NKAIN2: variants seen among roughly 807,000 people sequenced by gnomAD.
NKAIN2 encodes sodium/potassium transporting ATPase interacting 2, also known as sodium/potassium-transporting ATPase subunit beta-1-interacting protein 2.
NKAIN2 carries 14 observed loss-of-function variants against 32.6 expected under a neutral mutation model. The ratio of observed to expected loss-of-function variants is 0.43; its 90% confidence interval spans 0.28 to 0.67. NKAIN2 has a LOEUF of 0.67. Ranked by LOEUF, NKAIN2 falls within the 30% of genes least tolerant of loss-of-function variation. The probability of loss-of-function intolerance (pLI) is 0.17; values close to 1 mark genes in which losing one functional copy is unlikely to be tolerated. For synonymous variants in NKAIN2, 80 were observed against 87.2 expected, an observed-to-expected ratio of 0.92 and a Z score of 0.46; for missense variants, 198 against 258.3, an observed-to-expected ratio of 0.77 and a Z score of 1.60.
At chr6:124,747,166 C>T (rs796741364) in intron 4 of NKAIN2, among the ~76,000 whole-genome samples, 23 of 151,962 alleles carry the variant, frequency 1.5e-4, no homozygotes, top group African/African-American at 5.3e-4. Context: ...GACACAGTCA[C>T]CCAAGCTGAG....
At position 124,476,107 on chromosome 6, in the gene NKAIN2, C is replaced by T. The variant is rs146468264; in HGVS notation, c.273+120760C>T. The stretch of plus-strand genomic sequence containing the variant: ...GTGTGTGTGTGTGTGTGCGTGCGCG[C>T]GCGCATGCATGTAAAGGATGCACAG... On this transcript the variant is annotated intron_variant, in intron 3 of 6. Transcript: ENST00000368417. Among the ~76,000 whole-genome samples, 993 of 135,358 alleles carry T rather than the reference C, an allele frequency of 7.3e-3. 6 individuals are homozygous for T. The highest frequency in any genetic ancestry group is 0.012 in the Non-Finnish European group (755 of 65,298). 88.8% of individuals were successfully genotyped at this position (135,358 alleles called of 152,430 possible).
intron 4 of NKAIN2, among the ~76,000 whole-genome samples, chr6:124,768,906 T>C (rs1778630616): frequency 6.6e-6 from 1 of 152,160 alleles, no homozygotes; most frequent in Admixed American, 6.5e-5. Flanking sequence ...TAGTGTCACA[T>C]TTACAAAGCT....
intron 2 of NKAIN2, among the ~76,000 whole-genome samples, chr6:124,288,028 T>A (rs73567810): frequency 0.011 from 1,671 of 152,198 alleles, 22 homozygotes; most frequent in African/African-American, 0.036. Flanking sequence ...AAAAAAAGTT[T>A]CAAAATAGCT....
At chr6:123,892,056 G>C (rs1399795479) in intron 1 of NKAIN2, among the ~76,000 whole-genome samples, 3 of 152,164 alleles carry the variant, frequency 2.0e-5, no homozygotes, top group African/African-American at 7.2e-5. Context: ...ACCTGGAAGA[G>C]AGAGAAAATG....
At chr6:124,440,496 T>G (rs1449304865) in intron 3 of NKAIN2, among the ~76,000 whole-genome samples, 1 of 152,078 alleles carries the variant, frequency 6.6e-6, no homozygotes, top group Non-Finnish European at 1.5e-5. Context: ...ACCTGAGAAG[T>G]CTGATCCTCT....
chr6:124,112,219 A>G (rs1258973695), intron 1 of NKAIN2, among the ~76,000 whole-genome samples: 3 of 152,110 alleles, frequency 2.0e-5, no homozygotes, highest in Admixed American at 2.0e-4. Context: ...GAAGAACACC[A>G]CTTAACATTT....
intron 1 of NKAIN2, among the ~76,000 whole-genome samples, chr6:124,071,205 A>AT (rs1783448168): frequency 6.6e-6 from 1 of 152,186 alleles, no homozygotes; most frequent in Non-Finnish European, 1.5e-5. Flanking sequence ...AAAATAAGCC[A>AT]TGGGGAAAGG....
chr6:124,132,790 A>T (rs1369055718), intron 1 of NKAIN2, among the ~76,000 whole-genome samples: 1 of 152,208 alleles, frequency 6.6e-6, no homozygotes, highest in Non-Finnish European at 1.5e-5. Context: ...GACTCTTTGC[A>T]GATGTTTCCT....
chr6:123,972,915 T>C (rs1178258607), intron 1 of NKAIN2, among the ~76,000 whole-genome samples: 4 of 152,056 alleles, frequency 2.6e-5, no homozygotes, highest in Non-Finnish European at 5.9e-5. Context: ...GCCTGATACA[T>C]AGTAAAAACA....
intron 2 of NKAIN2, among the ~76,000 whole-genome samples, chr6:124,285,262 A>G (rs1421428279): frequency 6.6e-6 from 1 of 152,224 alleles, no homozygotes; most frequent in Non-Finnish European, 1.5e-5. Flanking sequence ...GTCCTGGGTT[A>G]GAAATATATC....
At chr6:124,235,942 T>C (rs1792734476) in intron 1 of NKAIN2, among the ~76,000 whole-genome samples, 1 of 152,010 alleles carries the variant, frequency 6.6e-6, no homozygotes, top group South Asian at 2.1e-4. Context: ...ATTCTTTTTA[T>C]ATAGCCTGTT....
At chr6:123,989,174 A>G (rs1779304773) in intron 1 of NKAIN2, among the ~76,000 whole-genome samples, 1 of 152,164 alleles carries the variant, frequency 6.6e-6, no homozygotes, top group Non-Finnish European at 1.5e-5. Flanking sequence ...CAATAAAACA[A>G]TAATTTGTTT....
At chr6:124,702,077 G>C (rs569015664) in intron 4 of NKAIN2, among the ~76,000 whole-genome samples, 1 of 151,884 alleles carries the variant, frequency 6.6e-6, no homozygotes, top group African/African-American at 2.4e-5. Flanking sequence ...TTTGAAGTTG[G>C]GTTACATTGA....
chr6:124,387,104 A>G (rs1772931372), intron 3 of NKAIN2, among the ~76,000 whole-genome samples: 1 of 152,132 alleles, frequency 6.6e-6, no homozygotes, highest in South Asian at 2.1e-4. Context: ...TGTTTTGAAA[A>G]CATGCATTTT....
intron 4 of NKAIN2, among the ~76,000 whole-genome samples, chr6:124,720,798 G>T (rs1775976992): frequency 1.3e-5 from 2 of 152,112 alleles, no homozygotes; most frequent in Non-Finnish European, 2.9e-5. Flanking sequence ...TGAAAAGAAT[G>T]GGAGAATCTA....
At position 124,791,759 on chromosome 6, in the gene NKAIN2, A is replaced by G. The variant is rs140571678; in HGVS notation, c.535+360A>G. ...TTTATGATCCCTTTATTAGGTATTGATAACTAACCAGTTTTACCCAAGACT... is the reference window on the plus strand; with the variant it reads ...TTTATGATCCCTTTATTAGGTATTGGTAACTAACCAGTTTTACCCAAGACT... On this transcript the variant is annotated intron_variant, in intron 5 of 6. Coordinates refer to ENST00000368417, the MANE Select transcript of NKAIN2 (RefSeq NM_001040214.3). 8.3e-4 allele frequency among the ~76,000 whole-genome samples: 127 copies of G among 152,252 alleles called. 1 individual carries two copies. In the East Asian group the frequency reaches 0.019, roughly 22 times the overall value.
At chr6:124,180,055 A>C (rs112969739) in intron 1 of NKAIN2, among the ~76,000 whole-genome samples, 1 of 152,066 alleles carries the variant, frequency 6.6e-6, no homozygotes, top group Non-Finnish European at 1.5e-5. Flanking sequence ...TTCTCCTTTC[A>C]TGGGTAAATA....
At chr6:124,688,717 GT>G (rs1247339292) in intron 4 of NKAIN2, among the ~76,000 whole-genome samples, 1 of 152,002 alleles carries the variant, frequency 6.6e-6, no homozygotes, top group Non-Finnish European at 1.5e-5. Context: ...ATGTCATATA[GT>G]TGAAGTTATA....
chr6:124,814,491 G>C (rs1208427751), intron 5 of NKAIN2, among the ~76,000 whole-genome samples: 1 of 152,056 alleles, frequency 6.6e-6, no homozygotes, highest in Non-Finnish European at 1.5e-5. Flanking sequence ...TCCATACCCA[G>C]GCCATCAGCA....
Sources: gnomAD v4.1 joint callset for allele counts (sites outside exome capture counted in the v4.1 genomes callset) on GRCh38, gnomAD v4.1.1 for gene constraint, MANE v1.5 for transcripts, NCBI Gene and HGNC (gene_info 2026-07-23, HGNC 2026-07-21) for gene names.